Variants in PHF2 observed in about 807,000 individuals in gnomAD.
PHF2 encodes lysine-specific demethylase PHF2.
A neutral mutation model predicts 120.5 loss-of-function variants in PHF2; 27 were observed. The ratio of observed to expected loss-of-function variants is 0.22; its 90% CI spans 0.17 to 0.31. The LOEUF (loss-of-function observed/expected upper bound fraction) is 0.31. Among genes scored for constraint, PHF2 ranks in the 10% least tolerant of loss-of-function variants. The pLI, the probability that PHF2 is intolerant of heterozygous loss-of-function variation, is 1.00. For missense variants in PHF2, 1,024 were observed against 1,434.8 expected (o/e 0.71, Z 4.63); for synonymous variants, 568 against 592.5 (o/e 0.96, Z 0.60).
At position 93,663,608 on chromosome 9, in the gene PHF2, T is replaced by C. The variant is rs1026068284; in HGVS notation, c.1910T>C (p.Phe637Ser). ...LAGNKDNKFS[F>S]SFSNKKLLGS... ...GGAAACAAAGACAATAAGTTCTCTTTTTCTTTCTCCAACAAGAAACTCCTC... is the reference window on the plus strand; with the variant it reads ...GGAAACAAAGACAATAAGTTCTCTTCTTCTTTCTCCAACAAGAAACTCCTC... The change falls in exon 14 of 22, where the codon TTT (phenylalanine) becomes TCT (serine). Residue 637 changes from phenylalanine to serine, a missense_variant. This residue lies in a region of PHF2 where 677 missense variants were observed against 857.4 expected (regional missense o/e 0.79). Coordinates refer to ENST00000359246, the MANE Select transcript of PHF2 (RefSeq NM_005392.4). The C allele has an allele frequency of 6.2e-7, 1 of 1,612,840 alleles. No individual in the cohort carries two copies. Among genetic ancestry groups the C allele is most frequent in the African/African-American group, 1.3e-5 (1 of 74,996 alleles).
At chr9:93,646,808 G>A (rs925601156) in intron 4 of PHF2, among the ~76,000 whole-genome samples, 2 of 152,176 alleles carry the variant, frequency 1.3e-5, no homozygotes, top group African/African-American at 2.4e-5. Context: ...GAGGAAGAGC[G>A]AGCACCCTGG....
At chr9:93,661,585 GAATA>G (rs1826567156) in intron 12 of PHF2, among the ~76,000 whole-genome samples, 2 of 151,954 alleles carry the variant, frequency 1.3e-5, no homozygotes, top group Non-Finnish European at 2.9e-5. Context: ...ATGGATGGAT[GAATA>G]AATGGATGGA....
At chr9:93,581,023 G>A (rs1862921340) in intron 1 of PHF2, among the ~76,000 whole-genome samples, 1 of 152,116 alleles carries the variant, frequency 6.6e-6, no homozygotes, top group South Asian at 2.1e-4. Flanking sequence ...GACTGGGGTC[G>A]GTAGAAGGGT....
intron 1 of PHF2, among the ~76,000 whole-genome samples, chr9:93,597,951 TG>T (rs1825364899): frequency 6.6e-6 from 1 of 152,204 alleles, no homozygotes; most frequent in African/African-American, 2.4e-5. Flanking sequence ...CTGGGCACTC[TG>T]GGGTCACTCT....
intron 1 of PHF2, among the ~76,000 whole-genome samples, chr9:93,584,784 G>A (rs545279032): frequency 1.6e-4 from 24 of 152,296 alleles, no homozygotes; most frequent in African/African-American, 5.5e-4. Flanking sequence ...AAAAACCGCT[G>A]TTGGAATTTT....
chr9:93,590,765 C>G (rs1825204472), intron 1 of PHF2, among the ~76,000 whole-genome samples: 1 of 152,210 alleles, frequency 6.6e-6, no homozygotes, highest in African/African-American at 2.4e-5. Context: ...CAGCATCCTT[C>G]CCCTGAAGGG....
intron 1 of PHF2, among the ~76,000 whole-genome samples, chr9:93,626,214 A>G (rs568122935): frequency 2.6e-5 from 4 of 152,182 alleles, no homozygotes; most frequent in African/African-American, 7.2e-5. Context: ...CTGCATTCCA[A>G]CCTGGGTGAT....
rs139125959 is a variant in PHF2 at position 93,638,201 on chromosome 9, A to G, written c.299+1676A>G. Among the ~76,000 whole-genome samples the G allele has an allele frequency of 2.5e-3, 384 of 152,080 alleles. 1 individual carries two copies. Among genetic ancestry groups the G allele is most frequent in the Admixed American group, 6.8e-3 (104 of 15,282 alleles). ...AGATACAAGCCCCATTACCTGATAT[A>G]TGATTTCAAAATACTCTCTCCTATT... On this transcript the variant is annotated intron_variant, in intron 3 of 21. Coordinates refer to ENST00000359246, the MANE Select transcript of PHF2 (RefSeq NM_005392.4).
Position 93,655,929 on chromosome 9 carries a change from C to T in PHF2, c.953-5C>T. ...GGGCACCAGCCACTCCTGTCTCTCTCCCAGGCTGGATCTACGCCACACTCA... is the reference window on the plus strand; with the variant it reads ...GGGCACCAGCCACTCCTGTCTCTCTTCCAGGCTGGATCTACGCCACACTCA... On this transcript the variant is annotated splice_polypyrimidine_tract_variant and splice_region_variant and intron_variant, in intron 7 of 21. Transcript: ENST00000359246. 1 of 1,609,796 alleles carries T rather than the reference C, an allele frequency of 6.2e-7. No homozygotes were observed. Among genetic ancestry groups the T allele is most frequent in the Non-Finnish European group, 8.5e-7 (1 of 1,178,040 alleles).
At chr9:93,625,763 T>C (rs28835702) in intron 1 of PHF2, among the ~76,000 whole-genome samples, 136,286 of 151,844 alleles carry the variant, frequency 0.9, 61,227 homozygotes, top group East Asian at 1. Flanking sequence ...CAGGCATGAG[T>C]CACAATACAC....
At chr9:93,577,270 C>T (rs912133795) in intron 1 of PHF2, among the ~76,000 whole-genome samples, 6 of 151,570 alleles carry the variant, frequency 4.0e-5, no homozygotes, top group African/African-American at 7.3e-5. Context: ...CGCCTCCCCC[C>T]TGCGAAGTTG....
At chr9:93,648,777 TCAGGCAGGC>T (rs1329511702) in intron 4 of PHF2, among the ~76,000 whole-genome samples, 1 of 152,186 alleles carries the variant, frequency 6.6e-6, no homozygotes, top group Non-Finnish European at 1.5e-5. Context: ...CATCTGAAAT[TCAGGCAGGC>T]CAGGCATCCT....
chr9:93,640,928 G>A (rs758040423), intron 3 of PHF2, among the ~76,000 whole-genome samples: 20 of 152,086 alleles, frequency 1.3e-4, no homozygotes, highest in Non-Finnish European at 2.4e-4. Flanking sequence ...TTGTTTGTTT[G>A]TTTTTCTCCT....
chr9:93,580,778 G>C (rs10821163), intron 1 of PHF2, among the ~76,000 whole-genome samples: 40,781 of 152,044 alleles, frequency 0.27, 6,705 homozygotes, highest in East Asian at 0.36. Flanking sequence ...TATTCTGTAC[G>C]GAGTTCAGAG....
intron 1 of PHF2, among the ~76,000 whole-genome samples, chr9:93,602,453 G>A (rs549145472): frequency 2.6e-5 from 4 of 151,862 alleles, no homozygotes; most frequent in African/African-American, 9.7e-5. Context: ...GGGTTTTACT[G>A]TGTTGCCCAG....
At chr9:93,665,317 A>G (rs191101719) in intron 14 of PHF2, among the ~76,000 whole-genome samples, 1 of 152,326 alleles carries the variant, frequency 6.6e-6, no homozygotes, top group Admixed American at 6.5e-5. Context: ...GTTGGGGGTC[A>G]CTGTCTTGAG....
At position 93,675,801 on chromosome 9, in the gene PHF2, C is replaced by T. The variant is rs765541178; in HGVS notation, c.2832+12C>T. The T allele has an allele frequency of 3.1e-5, 49 of 1,597,926 alleles. No individual in the cohort carries two copies. The highest frequency in any genetic ancestry group is 3.8e-5 in the Non-Finnish European group (45 of 1,170,990). On this transcript the variant is annotated intron_variant, in intron 20 of 21. Coordinates refer to ENST00000359246, the MANE Select transcript of PHF2 (RefSeq NM_005392.4). The stretch of plus-strand genomic sequence containing the variant: ...AGTTGTCCCAGCAGGTGAGGAGGGG[C>T]GAGAAGGACACACGGCAGCCAGGTC...
chr9:93,636,668 GCAGCATAGCCTGCACCAGCAACC>G (rs1429900578), intron 3 of PHF2, 143 bp downstream of exon 3: 1 of 685,720 alleles, frequency 1.5e-6, no homozygotes, highest in Non-Finnish European at 2.5e-6. Context: ...TCTCCTGGAG[GCAGCATAGCCTGCACCAGCAACC>G]CAAAGCTCCC....
intron 10 of PHF2, 81 bp downstream of exon 10, chr9:93,658,317 T>G (rs1204827307): frequency 9.5e-7 from 1 of 1,049,896 alleles, no homozygotes; most frequent in African/African-American, 1.6e-5. Flanking sequence ...AGCAGCAATG[T>G]CCAGGACTTG....
Sources: allele counts gnomAD v4.1 joint callset (sites outside exome capture counted in the v4.1 genomes callset), GRCh38; gene constraint gnomAD v4.1.1; regional missense constraint gnomAD v4.1.1; transcripts MANE v1.5; gene names NCBI Gene and HGNC (gene_info 2026-07-23, HGNC 2026-07-21).